Variants in PSD2 observed in about 807,000 individuals in gnomAD.
PSD2 encodes pleckstrin and Sec7 domain containing 2.
Under a neutral mutation model 69.8 loss-of-function variants are expected in PSD2, and 38 were observed. The observed-to-expected ratio is 0.54, with a 90% CI of 0.42 to 0.71. The LOEUF is 0.71. Ranked by LOEUF, PSD2 falls within the 30% of genes least tolerant of loss-of-function variation. The pLI, the probability that PSD2 is intolerant of heterozygous loss-of-function variation, is 0.00. For missense variants in PSD2, 943 were observed against 1,014.5 expected (o/e 0.93, Z 0.96); for synonymous variants, 412 against 423.0 (o/e 0.97, Z 0.32).
intron 7 of PSD2, among the ~76,000 whole-genome samples, chr5:139,828,244 G>T (rs1169401837): frequency 6.6e-6 from 1 of 152,174 alleles, no homozygotes; most frequent in African/African-American, 2.4e-5. Flanking sequence ...TGAAGGCTGG[G>T]GTAAGCGGGG....
At chr5:139,792,993 GC>G (rs1342431090), upstream of PSD2, among the ~76,000 whole-genome samples, 8 of 150,924 alleles carry the variant, frequency 5.3e-5, no homozygotes, top group East Asian at 1.6e-3. Context: ...TGTTGCCCAG[GC>G]TGGAATGTAG....
At chr5:139,747,243 C>A in the PSD2 span, among the ~76,000 whole-genome samples, 16 of 152,258 alleles carry the variant, frequency 1.1e-4, no homozygotes, top group East Asian at 1.2e-3. The surrounding 1 kb of genome is among the most constrained non-coding windows in gnomAD (Gnocchi z 6.7). Context: ...TGTCTCCCCC[C>A]CTTCAGTTAC....
At chr5:139,820,935 GTT>G (rs11394658) in intron 5 of PSD2, among the ~76,000 whole-genome samples, 1 of 146,764 alleles carries the variant, frequency 6.8e-6, no homozygotes, top group Admixed American at 6.8e-5. Context: ...GCCAGAGGTT[GTT>G]TTTTTTTTTT....
chr5:139,828,912 G>A (rs756197518), intron 7 of PSD2, among the ~76,000 whole-genome samples: 1 of 152,056 alleles, frequency 6.6e-6, no homozygotes, highest in Non-Finnish European at 1.5e-5. Context: ...CCTTGGGATG[G>A]GGCAGTGGTT....
chr5:139,781,290 G>A, the PSD2 span, among the ~76,000 whole-genome samples: 1 of 151,918 alleles, frequency 6.6e-6, no homozygotes, highest in Non-Finnish European at 1.5e-5. Flanking sequence ...GGATCCAGCT[G>A]TGGCTGTTCA....
the PSD2 span, among the ~76,000 whole-genome samples, chr5:139,779,387 T>C: frequency 6.6e-6 from 1 of 152,212 alleles, no homozygotes; most frequent in Non-Finnish European, 1.5e-5. Flanking sequence ...TTTAGTGCCA[T>C]CTTTGTCTTG....
chr5:139,748,474 A>G, the PSD2 span, among the ~76,000 whole-genome samples: 1 of 151,812 alleles, frequency 6.6e-6, no homozygotes, highest in East Asian at 1.9e-4. Flanking sequence ...TACACTCCCA[A>G]CCACCACCAC....
the PSD2 span, among the ~76,000 whole-genome samples, chr5:139,754,866 CA>C: frequency 1.3e-5 from 2 of 149,170 alleles, no homozygotes; most frequent in East Asian, 2.0e-4. Flanking sequence ...GACCCTGTCT[CA>C]AAAAAAAACA....
chr5:139,809,709 T>C lies in PSD2; in HGVS notation c.269T>C (p.Leu90Pro). Residue 90 changes from leucine to proline, a missense_variant, in exon 2 of 15, where the codon CTG becomes CCG. Transcript: ENST00000274710. ...GCCCTGGGGCCAGACTTGAACATTC[T>C]GGAAGATTCAGCGGAGTCCAGGCCC... Reference protein sequence around the residue: ...GLALGPDLNILEDSAESRPWR... With the variant: ...GLALGPDLNIPEDSAESRPWR... The C allele has an allele frequency of 6.2e-7, 1 of 1,614,264 alleles. No homozygotes were observed. Among genetic ancestry groups the C allele is most frequent in the Non-Finnish European group, 8.5e-7 (1 of 1,180,052 alleles).
At chr5:139,790,512 C>T in the PSD2 span, among the ~76,000 whole-genome samples, 17 of 151,694 alleles carry the variant, frequency 1.1e-4, no homozygotes, top group Admixed American at 6.6e-4. Context: ...CAGAGAGGGG[C>T]GGAGAAACTA....
At chr5:139,766,827 CCTTCTTTCTTTCTTT>C in the PSD2 span, among the ~76,000 whole-genome samples, 6 of 51,516 alleles carry the variant, frequency 1.2e-4, no homozygotes, top group Non-Finnish European at 2.0e-4. Context: ...CAAGTCCCTT[CCTTCTTTCTTTCTTT>C]CTTTCTTTCT....
intron 4 of PSD2, among the ~76,000 whole-genome samples, chr5:139,815,362 C>G (rs1760093222): frequency 6.6e-6 from 1 of 152,160 alleles, no homozygotes; most frequent in African/African-American, 2.4e-5. Flanking sequence ...TGCCCCTGCC[C>G]TCTCCCATCT....
intron 7 of PSD2, among the ~76,000 whole-genome samples, chr5:139,825,428 T>A (rs982873278): frequency 6.6e-6 from 1 of 152,226 alleles, no homozygotes; most frequent in Non-Finnish European, 1.5e-5. Flanking sequence ...GTGGACTTGC[T>A]GGTTCATATA....
the PSD2 span, among the ~76,000 whole-genome samples, chr5:139,750,025 T>TAA: frequency 7.5e-5 from 9 of 119,800 alleles, no homozygotes; most frequent in Non-Finnish European, 1.2e-4. Context: ...GAGACCGTCT[T>TAA]AAAAAAAAAA....
the PSD2 span, among the ~76,000 whole-genome samples, chr5:139,749,080 G>T: frequency 6.6e-6 from 1 of 152,076 alleles, no homozygotes; most frequent in South Asian, 2.1e-4. Flanking sequence ...AGGCCCCCTG[G>T]AGCACCCAAC....
chr5:139,799,305 G>A (rs1397303503), intron 1 of PSD2, among the ~76,000 whole-genome samples: 2 of 152,196 alleles, frequency 1.3e-5, no homozygotes, highest in African/African-American at 4.8e-5. Context: ...CAGACCAGAT[G>A]CTGGAGAATA....
At position 139,837,500 on chromosome 5, in the gene PSD2, G is replaced by T. The variant is rs907366131; in HGVS notation, c.1666-125G>T. 17 of 1,038,126 alleles carry T rather than the reference G, an allele frequency of 1.6e-5. No homozygotes were observed. Among genetic ancestry groups the T allele is most frequent in the Non-Finnish European group, 2.4e-5 (17 of 711,392 alleles). The allele number at this position is 1,038,126 out of a possible 1,614,324, so 64.3% of individuals were successfully genotyped here. ...GGGAGGAGTACCTGGATTCTTGTTG[G>T]GGTGGGTGAGGCAGCAGGAACAGAA... On this transcript the variant is annotated intron_variant, in intron 11 of 14. Coordinates refer to ENST00000274710, the MANE Select transcript of PSD2 (RefSeq NM_032289.4). This position sits in a 1 kb window ranked among gnomAD's most constrained non-coding sequence, Gnocchi z 5.0.
intron 12 of PSD2, 95 bp from the exon 13 acceptor site, chr5:139,838,533 C>T: frequency 1.4e-6 from 2 of 1,404,494 alleles, no homozygotes; most frequent in East Asian, 2.3e-5. Flanking sequence ...CTGGTGCCTT[C>T]TCAGTGCCAG....
the PSD2 span, among the ~76,000 whole-genome samples, chr5:139,759,847 C>T: frequency 6.6e-6 from 1 of 152,250 alleles, no homozygotes; most frequent in Non-Finnish European, 1.5e-5. Flanking sequence ...GCCCCTCAAG[C>T]CTGTCAGCCC....
Sources: allele counts gnomAD v4.1 joint callset (sites outside exome capture counted in the v4.1 genomes callset), GRCh38; gene constraint gnomAD v4.1.1; non-coding constraint Gnocchi (gnomAD v3.1); transcripts MANE v1.5; gene names NCBI Gene and HGNC (gene_info 2026-07-23, HGNC 2026-07-21).